HIVEP3: variants seen among roughly 807,000 people sequenced by gnomAD.
HIVEP3 encodes the protein HIVEP zinc finger 3.
In HIVEP3, 49 loss-of-function variants were observed where a neutral mutation model predicts 152.8. The ratio of observed to expected loss-of-function variants is 0.32; its 90% CI spans 0.26 to 0.41. HIVEP3 has a LOEUF of 0.41. Among genes scored for constraint, HIVEP3 ranks in the 10% least tolerant of loss-of-function variants. HIVEP3 has a pLI of 1.00. For missense variants in HIVEP3, 2,790 were observed against 3,103.3 expected, an observed-to-expected ratio of 0.90 and a Z score of 2.40; for synonymous variants, 1,269 against 1,289.0, an observed-to-expected ratio of 0.98 and a Z score of 0.33.
chr1:41,683,489 C>A (rs1646070598), intron 2 of HIVEP3, among the ~76,000 whole-genome samples: 1 of 152,192 alleles, frequency 6.6e-6, no homozygotes, highest in Non-Finnish European at 1.5e-5. Flanking sequence ...GAGATGAGTT[C>A]ACGGTGACTT....
At chr1:41,964,158 C>T (rs144652035) in intron 1 of HIVEP3, among the ~76,000 whole-genome samples, 1,893 of 152,352 alleles carry the variant, frequency 0.012, 20 homozygotes, top group Non-Finnish European at 0.018. Context: ...CAGTCGGCAG[C>T]TCCCACTGAG....
chr1:41,747,650 C>T (rs961059200), intron 1 of HIVEP3, among the ~76,000 whole-genome samples: 2 of 152,160 alleles, frequency 1.3e-5, no homozygotes, highest in Non-Finnish European at 2.9e-5. Flanking sequence ...AGCTATACTA[C>T]TTTTTTCTTT....
intron 5 of HIVEP3, among the ~76,000 whole-genome samples, chr1:41,552,617 T>C (rs1202600317): frequency 6.7e-6 from 1 of 149,514 alleles, no homozygotes; most frequent in African/African-American, 2.5e-5. Flanking sequence ...CAGTCTATCA[T>C]TGTTGGACAT....
intron 1 of HIVEP3, among the ~76,000 whole-genome samples, chr1:41,710,819 G>A (rs927398441): frequency 5.3e-5 from 8 of 152,182 alleles, no homozygotes; most frequent in Non-Finnish European, 1.2e-4. Flanking sequence ...ATAGGATGGC[G>A]GCTGATCATA....
At chr1:41,953,300 C>T (rs1236926398) in intron 1 of HIVEP3, among the ~76,000 whole-genome samples, 5 of 152,146 alleles carry the variant, frequency 3.3e-5, no homozygotes, top group Admixed American at 3.3e-4. Context: ...AGTCAGACTG[C>T]CTGGGTTCAA....
chr1:41,544,854 A>G (rs1231830193), intron 5 of HIVEP3, among the ~76,000 whole-genome samples: 998 of 73,854 alleles, frequency 0.014, 6 homozygotes, highest in Non-Finnish European at 0.02. Flanking sequence ...TACCACCACC[A>G]CCACCACCAC....
rs1644393641 is a variant in HIVEP3, at chr1:41,507,373, G to C, written c.*3078C>G. 1 of 152,360 alleles carries C rather than the reference G, an allele frequency of 6.6e-6. No homozygotes were observed. Among genetic ancestry groups the C allele is most frequent in the Non-Finnish European group, 1.5e-5 (1 of 68,160 alleles). 9.4% of individuals were successfully genotyped at this position (152,360 alleles called of 1,614,324 possible). A position where few individuals can be genotyped will look rare whatever the true frequency, so the allele number is the denominator to read the frequency against. On this transcript the variant is annotated 3_prime_UTR_variant, in exon 9 of 9. Coordinates refer to ENST00000372583, the MANE Select transcript of HIVEP3 (RefSeq NM_024503.5). Reference sequence around the variant, plus strand: ...AGAGCCACAGGTGCGGGCGGGAGCAGAGAGGAGTGGGGTTACTACCCAGGA... The same window carrying C: ...AGAGCCACAGGTGCGGGCGGGAGCACAGAGGAGTGGGGTTACTACCCAGGA...
intron 1 of HIVEP3, among the ~76,000 whole-genome samples, chr1:41,879,961 C>T (rs1410634329): frequency 6.6e-6 from 1 of 152,196 alleles, no homozygotes; most frequent in African/African-American, 2.4e-5. Flanking sequence ...ACCATTAAAC[C>T]TCACCACAGT....
chr1:42,009,738 TCTTC>T (rs1404603772), intron 1 of HIVEP3, among the ~76,000 whole-genome samples: 1 of 152,202 alleles, frequency 6.6e-6, no homozygotes, highest in East Asian at 1.9e-4. Flanking sequence ...AGAATTTGAT[TCTTC>T]CTTTAGCTCA....
chr1:41,672,020 G>C (rs1422359199), intron 2 of HIVEP3, among the ~76,000 whole-genome samples: 1 of 152,210 alleles, frequency 6.6e-6, no homozygotes, highest in Non-Finnish European at 1.5e-5. Flanking sequence ...CACAACTCCA[G>C]GCTAAGCAGT....
chr1:42,016,134 T>C (rs1645521119), intron 1 of HIVEP3, among the ~76,000 whole-genome samples: 1 of 152,238 alleles, frequency 6.6e-6, no homozygotes, highest in African/African-American at 2.4e-5. Context: ...TTAAAAAGAC[T>C]ATATTTGTAT....
intron 1 of HIVEP3, among the ~76,000 whole-genome samples, chr1:41,807,334 C>A (rs1224687472): frequency 1.3e-5 from 2 of 152,028 alleles, no homozygotes; most frequent in Non-Finnish European, 2.9e-5. Flanking sequence ...ATCTGTTAGG[C>A]CTTGAGGTAG....
intron 6 of HIVEP3, among the ~76,000 whole-genome samples, chr1:41,524,432 G>T (rs1642844499): frequency 6.6e-6 from 1 of 152,158 alleles, no homozygotes; most frequent in African/African-American, 2.4e-5. Flanking sequence ...GAGAGAAGAT[G>T]CAAAACCATG....
intron 1 of HIVEP3, among the ~76,000 whole-genome samples, chr1:42,017,578 G>A (rs575045276): frequency 3.3e-5 from 5 of 152,026 alleles, no homozygotes; most frequent in East Asian, 1.9e-4. Context: ...TGTGACATAC[G>A]CCCATGTTTT....
upstream of HIVEP3, among the ~76,000 whole-genome samples, chr1:41,920,903 C>T (rs1198165690): frequency 6.6e-6 from 1 of 152,138 alleles, no homozygotes; most frequent in African/African-American, 2.4e-5. Flanking sequence ...TGTGACTCAC[C>T]ATTTAAGTCT....
intron 1 of HIVEP3, among the ~76,000 whole-genome samples, chr1:41,824,292 G>A (rs1642693381): frequency 2.0e-5 from 3 of 152,014 alleles, no homozygotes; most frequent in African/African-American, 4.8e-5. Flanking sequence ...TCCCCCAACT[G>A]CTTCAAATAG....
chr1:41,737,922 T>C (rs1007663582), intron 1 of HIVEP3, among the ~76,000 whole-genome samples: 1 of 152,210 alleles, frequency 6.6e-6, no homozygotes, highest in Non-Finnish European at 1.5e-5. Context: ...ACATCCTACT[T>C]GCCAGGCCCT....
At chr1:41,912,617 C>T (rs1375260802) in intron 1 of HIVEP3, among the ~76,000 whole-genome samples, 3 of 152,174 alleles carry the variant, frequency 2.0e-5, no homozygotes, top group Non-Finnish European at 4.4e-5. Flanking sequence ...TTATTTGATA[C>T]AATCATAATC....
chr1:42,023,762 GCAT>G (rs1303837382), intron 1 of HIVEP3, among the ~76,000 whole-genome samples: 1 of 152,152 alleles, frequency 6.6e-6, no homozygotes, highest in Non-Finnish European at 1.5e-5. Context: ...GCCGATGCCA[GCAT>G]CATGTTTCCA....
Sources: gnomAD v4.1 joint callset for allele counts (sites outside exome capture counted in the v4.1 genomes callset) on GRCh38, gnomAD v4.1.1 for gene constraint, MANE v1.5 for transcripts, NCBI Gene and HGNC (gene_info 2026-07-23, HGNC 2026-07-21) for gene names.